The following TMEM163 variants were observed in gnomAD, a reference collection of about 807,000 sequenced individuals.
TMEM163 encodes transmembrane protein 163.
A neutral mutation model predicts 29.3 loss-of-function variants in TMEM163; 17 were observed. The ratio of observed to expected loss-of-function variants is 0.58; its 90% confidence interval spans 0.40 to 0.87. The LOEUF is 0.87. Among genes scored for constraint, TMEM163 ranks in the 40% least tolerant of loss-of-function variants. The pLI, the probability that TMEM163 is intolerant of heterozygous loss-of-function variation, is 0.00. For synonymous variants in TMEM163, 157 were observed against 160.6 expected, an observed-to-expected ratio of 0.98 and a Z score of 0.17; for missense variants, 303 against 381.5, an observed-to-expected ratio of 0.79 and a Z score of 1.71.
At chr2:134,504,575 A>G (rs1261649775) in intron 4 of TMEM163, among the ~76,000 whole-genome samples, 2 of 152,150 alleles carry the variant, frequency 1.3e-5, no homozygotes, top group Non-Finnish European at 2.9e-5. Context: ...CCACACCCCC[A>G]GGGTGACCAC....
chr2:134,511,652 C>T (rs774757132), intron 4 of TMEM163, among the ~76,000 whole-genome samples: 5 of 152,166 alleles, frequency 3.3e-5, no homozygotes, highest in Non-Finnish European at 5.9e-5. Flanking sequence ...GCAGACTGGC[C>T]GGAATTCAGT....
At chr2:134,466,441 T>C in intron 5 of TMEM163, 1 of 533,030 alleles carries the variant, frequency 1.9e-6, no homozygotes, top group Non-Finnish European at 3.4e-6. Flanking sequence ...TATATTTACT[T>C]AAAAAACCAT....
intron 2 of TMEM163, among the ~76,000 whole-genome samples, chr2:134,647,128 G>A (rs1419856265): frequency 1.3e-5 from 2 of 152,162 alleles, no homozygotes; most frequent in Non-Finnish European, 2.9e-5. Context: ...GCATGCCTCA[G>A]TTTCCTCATT....
chr2:134,619,172 T>A (rs896066046), intron 2 of TMEM163, among the ~76,000 whole-genome samples: 3 of 150,212 alleles, frequency 2.0e-5, no homozygotes, highest in African/African-American at 7.6e-5. Context: ...TGATTAGATC[T>A]ATCAAACATT....
At chr2:134,707,009 C>T (rs1184870134) in intron 2 of TMEM163, among the ~76,000 whole-genome samples, 1 of 152,164 alleles carries the variant, frequency 6.6e-6, no homozygotes, top group Non-Finnish European at 1.5e-5. Context: ...CTCCTGGTCC[C>T]CACCTCTCAG....
chr2:134,533,182 TTAAA>T (rs1486648128), intron 4 of TMEM163, among the ~76,000 whole-genome samples: 1 of 152,180 alleles, frequency 6.6e-6, no homozygotes, highest in Non-Finnish European at 1.5e-5. Context: ...TAATAGACTG[TTAAA>T]TAAATTATGC....
intron 4 of TMEM163, among the ~76,000 whole-genome samples, chr2:134,550,249 A>G (rs1029041186): frequency 2.6e-5 from 4 of 152,246 alleles, no homozygotes; most frequent in Admixed American, 6.5e-5. Flanking sequence ...GAAGAAAAAC[A>G]GCATAAAAAT....
At chr2:134,712,743 C>A (rs1163570005) in intron 2 of TMEM163, among the ~76,000 whole-genome samples, 1 of 152,184 alleles carries the variant, frequency 6.6e-6, no homozygotes, top group Non-Finnish European at 1.5e-5. Context: ...CTCCCATTTT[C>A]CTTTCACTAA....
At chr2:134,717,764 C>T (rs1573560442) in intron 1 of TMEM163, among the ~76,000 whole-genome samples, 2 of 152,190 alleles carry the variant, frequency 1.3e-5, no homozygotes, top group Non-Finnish European at 2.9e-5. Context: ...CTGAGGGGGA[C>T]AATTTGGATT....
chr2:134,555,580 G>A (rs983568933), intron 2 of TMEM163, among the ~76,000 whole-genome samples: 6 of 152,244 alleles, frequency 3.9e-5, no homozygotes, highest in African/African-American at 9.6e-5. Flanking sequence ...CCAGGCAGCC[G>A]TGGGGCGGAG....
chr2:134,663,846 C>T (rs1175584791), intron 2 of TMEM163, among the ~76,000 whole-genome samples: 1 of 152,250 alleles, frequency 6.6e-6, no homozygotes, highest in Non-Finnish European at 1.5e-5. Flanking sequence ...CACCTGTTTC[C>T]TCTCAGATGC....
At chr2:134,672,866 C>G (rs887902200) in intron 2 of TMEM163, among the ~76,000 whole-genome samples, 2 of 152,126 alleles carry the variant, frequency 1.3e-5, no homozygotes, top group Non-Finnish European at 2.9e-5. Context: ...TGGACTCAGT[C>G]CCAATGCTCT....
chr2:134,511,159 G>C (rs1300716375), intron 4 of TMEM163, among the ~76,000 whole-genome samples: 3 of 150,232 alleles, frequency 2.0e-5, no homozygotes, highest in Non-Finnish European at 4.4e-5. Flanking sequence ...AAGGCGGGGG[G>C]GGGTGCTGTT....
chr2:134,676,274 G>A (rs1672712467), intron 2 of TMEM163, among the ~76,000 whole-genome samples: 1 of 152,120 alleles, frequency 6.6e-6, no homozygotes, highest in Non-Finnish European at 1.5e-5. Flanking sequence ...GCCCACTCCA[G>A]TGCACTATTG....
intron 2 of TMEM163, among the ~76,000 whole-genome samples, chr2:134,681,053 T>C (rs1219362999): frequency 6.6e-6 from 1 of 152,226 alleles, no homozygotes; most frequent in African/African-American, 2.4e-5. Flanking sequence ...TTGGATCAAC[T>C]GCCTGAGATT....
intron 4 of TMEM163, among the ~76,000 whole-genome samples, chr2:134,522,606 T>C (rs1414012037): frequency 6.6e-6 from 1 of 152,230 alleles, no homozygotes; most frequent in Non-Finnish European, 1.5e-5. Flanking sequence ...ACAGATCCCA[T>C]AGTGGCTTCA....
In TMEM163 at chr2:134,626,382, G is replaced by A. The variant is rs13384746; in HGVS notation, c.323-74291C>T. On this transcript the variant is annotated intron_variant, in intron 2 of 7. Coordinates refer to ENST00000281924, the MANE Select transcript of TMEM163 (RefSeq NM_030923.5). ...GGCCTCCCAAAGTGCTGGGATTACA[G>A]GTGTGAGCCACCATGCCCAGCCTCC... Among the ~76,000 whole-genome samples, 763 of 152,192 alleles carry A rather than the reference G, an allele frequency of 5.0e-3. 7 individuals are homozygous for A. Among genetic ancestry groups the A allele is most frequent in the African/African-American group, 0.018 (740 of 41,532 alleles).
chr2:134,646,510 T>C (rs1453873124), intron 2 of TMEM163, among the ~76,000 whole-genome samples: 5 of 151,900 alleles, frequency 3.3e-5, no homozygotes, highest in Non-Finnish European at 5.9e-5. Context: ...AGTGGCACAA[T>C]CTTGGCTCAC....
rs922959759 is a variant in TMEM163, at chr2:134,511,156, G to GGGC, written c.459-8160_459-8159insGCC. 2.7e-5 allele frequency among the ~76,000 whole-genome samples: 4 copies of GGGC among 150,920 alleles called. 1 individual carries two copies. Among genetic ancestry groups the GGGC allele is most frequent in the African/African-American group, 9.8e-5 (4 of 40,706 alleles). On this transcript the variant is annotated intron_variant, in intron 4 of 7. Coordinates refer to ENST00000281924, the MANE Select transcript of TMEM163 (RefSeq NM_030923.5). ...CAGAAAAAAGGGGAGAACAAGGCGG[G>GGGC]GGGGGGTGCTGTTACTTTATATCCA...
Sources: allele counts gnomAD v4.1 joint callset (sites outside exome capture counted in the v4.1 genomes callset), GRCh38; gene constraint gnomAD v4.1.1; transcripts MANE v1.5; gene names NCBI Gene and HGNC (gene_info 2026-07-23, HGNC 2026-07-21).